The following CPVL variants were observed in gnomAD, a reference collection of about 807,000 sequenced individuals.
CPVL encodes the protein probable serine carboxypeptidase CPVL.
Under a neutral mutation model 63.7 loss-of-function variants are expected in CPVL, and 51 were observed. The observed-to-expected ratio is 0.80, with a 90% CI of 0.64 to 1.01. The LOEUF (loss-of-function observed/expected upper bound fraction) is 1.01, where lower values mean the gene tolerates loss of function less well. Ranked by LOEUF, CPVL falls within the 50% of genes least tolerant of loss-of-function variation. The pLI, the probability that CPVL is intolerant of heterozygous loss-of-function variation, is 0.00. For missense variants in CPVL, 530 were observed against 573.1 expected (o/e 0.92, Z 0.77); for synonymous variants, 195 against 206.0 (o/e 0.95, Z 0.46).
At chr7:29,173,421 T>G (rs1796871381) in intron 5 of CPVL, among the ~76,000 whole-genome samples, 1 of 152,044 alleles carries the variant, frequency 6.6e-6, no homozygotes, top group South Asian at 2.1e-4. Context: ...CTGCTCCTGC[T>G]TGGAATATAG....
At chr7:29,095,292 A>G (rs1786292121) in intron 4 of CPVL, 150 bp from the exon 5 acceptor site, 5 of 647,186 alleles carry the variant, frequency 7.7e-6, no homozygotes, top group Non-Finnish European at 1.1e-5. Flanking sequence ...GGTGGGGAAC[A>G]GGCACCTGCA....
intron 9 of CPVL, 44 bp downstream of exon 9, chr7:29,071,726 AGAT>A: frequency 2.5e-5 from 6 of 243,656 alleles, no homozygotes; most frequent in East Asian, 1.1e-4. Flanking sequence ...CTCCCTCCCC[AGAT>A]GGTTTTAATT....
At chr7:29,115,441 G>A (rs1165755832) in intron 2 of CPVL, among the ~76,000 whole-genome samples, 1 of 152,078 alleles carries the variant, frequency 6.6e-6, no homozygotes, top group Non-Finnish European at 1.5e-5. Context: ...AGGTGTTTGG[G>A]GAAAGTGGTT....
intron 2 of CPVL, among the ~76,000 whole-genome samples, chr7:29,119,485 CAAAAAAAAAAAA>C (rs372819031): frequency 3.9e-5 from 4 of 101,396 alleles, no homozygotes; most frequent in South Asian, 4.1e-4. Flanking sequence ...GATTCTGTCT[CAAAAAAAAAAAA>C]AAAAAAAAAA....
At chr7:29,110,117 A>T (rs1788108531) in intron 3 of CPVL, among the ~76,000 whole-genome samples, 1 of 152,212 alleles carries the variant, frequency 6.6e-6, no homozygotes, top group African/African-American at 2.4e-5. Context: ...ATCATTACCA[A>T]AGAAGACTCA....
At chr7:29,012,630 A>G (rs1284035155) in intron 12 of CPVL, 1 of 152,232 alleles carries the variant, frequency 6.6e-6, no homozygotes, top group Non-Finnish European at 1.5e-5. Flanking sequence ...CTTCAGGTCA[A>G]TGGCTGATTT....
At chr7:29,014,608 T>C (rs1786216903) in intron 12 of CPVL, among the ~76,000 whole-genome samples, 1 of 152,048 alleles carries the variant, frequency 6.6e-6, no homozygotes, top group African/African-American at 2.4e-5. Context: ...TCCCAAAGTG[T>C]TGAGATTACA....
intron 6 of CPVL, among the ~76,000 whole-genome samples, chr7:29,087,625 A>T (rs1785341629): frequency 6.6e-6 from 1 of 152,176 alleles, no homozygotes; most frequent in African/African-American, 2.4e-5. Context: ...CCCAGACTGC[A>T]GTGCCTGCGA....
At chr7:29,177,477 C>T (rs920816166) in intron 5 of CPVL, among the ~76,000 whole-genome samples, 6 of 152,010 alleles carry the variant, frequency 3.9e-5, no homozygotes, top group Middle Eastern at 7.0e-3. Flanking sequence ...TGGTCTCAAA[C>T]TCCTGACCTC....
In CPVL at chr7:29,043,054, G is replaced by A. The variant is rs537786365; in HGVS notation, c.1138-12295C>T. Among the ~76,000 whole-genome samples the A allele has an allele frequency of 2.0e-4, 30 of 152,266 alleles. No homozygotes were observed. The South Asian group carries it at 5.8e-3, about 30-fold the overall frequency. On this transcript the variant is annotated intron_variant, in intron 11 of 12. Coordinates refer to ENST00000265394, the MANE Select transcript of CPVL (RefSeq NM_031311.5). ...TTTCTCTGAGAAGAGGACTGAGAGCGACAGTAGTAGGCACACATCCAAAGA... is the reference window on the plus strand; with the variant it reads ...TTTCTCTGAGAAGAGGACTGAGAGCAACAGTAGTAGGCACACATCCAAAGA...
chr7:29,162,289 C>T (rs971930825), intron 5 of CPVL, among the ~76,000 whole-genome samples: 2 of 152,152 alleles, frequency 1.3e-5, no homozygotes, highest in Non-Finnish European at 2.9e-5. Flanking sequence ...GTTGAACACA[C>T]AACCATATAG....
intron 11 of CPVL, among the ~76,000 whole-genome samples, chr7:29,036,930 C>T (rs1033531791): frequency 6.6e-6 from 1 of 152,080 alleles, no homozygotes; most frequent in African/African-American, 2.4e-5. Flanking sequence ...CATGATCCCC[C>T]AACAGGTGAC....
chr7:29,163,833 C>A (rs1305823569), intron 5 of CPVL, among the ~76,000 whole-genome samples: 1 of 152,150 alleles, frequency 6.6e-6, no homozygotes, highest in East Asian at 1.9e-4. Context: ...TAAGATTCAT[C>A]TATGTTATGC....
chr7:29,151,585 A>T (rs1793601796), intron 5 of CPVL, among the ~76,000 whole-genome samples: 1 of 152,138 alleles, frequency 6.6e-6, no homozygotes, highest in Admixed American at 6.5e-5. Flanking sequence ...AACACTTTTT[A>T]TATATATCAT....
chr7:29,021,713 T>C (rs1358509094), intron 12 of CPVL, among the ~76,000 whole-genome samples: 1 of 151,806 alleles, frequency 6.6e-6, no homozygotes, highest in Non-Finnish European at 1.5e-5. Flanking sequence ...GTAATGACAT[T>C]GTTCTACAGA....
At chr7:29,067,429 T>C (rs1783243545) in intron 9 of CPVL, among the ~76,000 whole-genome samples, 1 of 152,080 alleles carries the variant, frequency 6.6e-6, no homozygotes, top group South Asian at 2.1e-4. Flanking sequence ...AGCTCAATGC[T>C]TTAGGAGGAG....
At chr7:29,112,856 C>T in intron 2 of CPVL, 34 bp from the exon 3 acceptor site, 29 of 1,424,296 alleles carry the variant, frequency 2.0e-5, no homozygotes, top group Non-Finnish European at 2.8e-5. Context: ...CCAAGGATTA[C>T]AGAAAACAAT....
At chr7:29,165,292 A>G (rs769720189) in intron 5 of CPVL, among the ~76,000 whole-genome samples, 17 of 152,160 alleles carry the variant, frequency 1.1e-4, no homozygotes, top group Admixed American at 3.9e-4. Context: ...ATTTTCTGCT[A>G]TTTTAAATGG....
chr7:29,017,324 T>C lies in CPVL; in HGVS notation c.1320+13253A>G, dbSNP rs1033943453. Among the ~76,000 whole-genome samples the C allele has an allele frequency of 1.6e-4, 25 of 152,156 alleles. 1 individual carries two copies. Among genetic ancestry groups the C allele is most frequent in the Non-Finnish European group, 2.8e-4 (19 of 68,022 alleles). On this transcript the variant is annotated intron_variant, in intron 12 of 12. Transcript: ENST00000265394. ...ATATGAACCTGGCCTCACCACCAAA[T>C]CTTAGTGCCTTTGTAAAAAACCCAA...
Sources: gnomAD v4.1 joint callset for allele counts (sites outside exome capture counted in the v4.1 genomes callset) on GRCh38, gnomAD v4.1.1 for gene constraint, MANE v1.5 for transcripts, NCBI Gene and HGNC (gene_info 2026-07-23, HGNC 2026-07-21) for gene names.